PARN: variants seen among roughly 807,000 people sequenced by gnomAD.
PARN encodes the protein poly(A)-specific ribonuclease, also known as poly(A)-specific ribonuclease PARN.
Under a neutral mutation model 102.8 loss-of-function variants are expected in PARN, and 71 were observed. The ratio of observed to expected loss-of-function variants is 0.69; its 90% CI spans 0.57 to 0.84. The LOEUF is 0.84. Ranked by LOEUF, PARN falls within the 40% of genes least tolerant of loss-of-function variation. The pLI is 0.00. For missense variants in PARN, 782 were observed against 760.9 expected (o/e 1.03, Z -0.33); for synonymous variants, 261 against 252.9 (o/e 1.03, Z -0.30).
chr16:14,551,975 C>G, intron 21 of PARN, 46 bp downstream of exon 21: 1 of 1,305,162 alleles, frequency 7.7e-7, no homozygotes. Context: ...GGGAGGGCAA[C>G]CTCTCACTGT....
intron 21 of PARN, among the ~76,000 whole-genome samples, chr16:14,514,618 A>T (rs1389428679): frequency 2.0e-5 from 3 of 152,206 alleles, no homozygotes; most frequent in Non-Finnish European, 2.9e-5. Flanking sequence ...AATATGCCAT[A>T]CTTGTAATAT....
chr16:14,584,909 A>T, intron 14 of PARN, 118 bp from the exon 15 acceptor site: 1 of 609,072 alleles, frequency 1.6e-6, no homozygotes, highest in Non-Finnish European at 2.8e-6. Context: ...TAAAACATAA[A>T]ATGTTTAATA....
At chr16:14,472,228 G>A (rs1962788900) in intron 22 of PARN, among the ~76,000 whole-genome samples, 1 of 152,090 alleles carries the variant, frequency 6.6e-6, no homozygotes, top group African/African-American at 2.4e-5. Context: ...AATTTTCCTG[G>A]TTAATCATTC....
At chr16:14,603,241 T>A (rs1027773001) in intron 11 of PARN, among the ~76,000 whole-genome samples, 1 of 152,132 alleles carries the variant, frequency 6.6e-6, no homozygotes, top group Non-Finnish European at 1.5e-5. Context: ...AACTGGCACC[T>A]TTTGTTTCTG....
At chr16:14,446,513 GA>G (rs1205201199) in intron 23 of PARN, among the ~76,000 whole-genome samples, 1 of 152,146 alleles carries the variant, frequency 6.6e-6, no homozygotes, top group East Asian at 1.9e-4. Flanking sequence ...GGTTTTGCTG[GA>G]AACAGTGAAA....
intron 23 of PARN, 112 bp downstream of exon 23, chr16:14,446,776 A>G (rs1961217804): frequency 1.4e-6 from 1 of 696,122 alleles, no homozygotes; most frequent in East Asian, 2.7e-5. Context: ...GGAAGACTAC[A>G]TGGGCTTTGC....
At chr16:14,589,023 T>C (rs1256611526) in intron 13 of PARN, among the ~76,000 whole-genome samples, 1 of 151,296 alleles carries the variant, frequency 6.6e-6, no homozygotes, top group Non-Finnish European at 1.5e-5. Context: ...CTACTGAAAA[T>C]ATAAAAATTA....
chr16:14,610,079 G>A (rs114936257), intron 7 of PARN, among the ~76,000 whole-genome samples: 472 of 152,132 alleles, frequency 3.1e-3, no homozygotes, highest in African/African-American at 1.0e-2. Context: ...AAAAATCCAC[G>A]CAGGTCTGAC....
intron 22 of PARN, among the ~76,000 whole-genome samples, chr16:14,470,336 G>A (rs1962647225): frequency 6.6e-6 from 1 of 151,732 alleles, no homozygotes; most frequent in East Asian, 1.9e-4. Context: ...ACCTTTCTAT[G>A]TTTTCAAATT....
intron 21 of PARN, among the ~76,000 whole-genome samples, chr16:14,497,654 G>A (rs1267474264): frequency 1.3e-5 from 2 of 152,176 alleles, no homozygotes; most frequent in Non-Finnish European, 2.9e-5. Flanking sequence ...GCCTGACAGA[G>A]CAGCACATAT....
rs117245296 is a variant in PARN, at chr16:14,516,684, C to A, written c.1481-33857G>T. 8.7e-3 allele frequency among the ~76,000 whole-genome samples: 1,330 copies of A among 152,298 alleles called. 7 individuals are homozygous for A. Among genetic ancestry groups the A allele is most frequent in the Non-Finnish European group, 0.014 (943 of 68,020 alleles). ...CTTCTGACAAACTAACATTCAAGAA[C>A]TCAGGGAGCACTTTTCCCATGACTC... is the stretch of plus-strand genomic sequence containing the variant. On this transcript the variant is annotated intron_variant, in intron 21 of 23. Transcript: ENST00000437198.
At chr16:14,621,908 T>A (rs1054252106) in intron 5 of PARN, among the ~76,000 whole-genome samples, 26 of 151,790 alleles carry the variant, frequency 1.7e-4, no homozygotes, top group African/African-American at 5.1e-4. Context: ...ATTGAAGAGA[T>A]GAGGCTGGGA....
chr16:14,591,357 C>G (rs1049406222), intron 13 of PARN, among the ~76,000 whole-genome samples: 1 of 149,858 alleles, frequency 6.7e-6, no homozygotes, highest in East Asian at 2.0e-4. Flanking sequence ...CACCACTGCA[C>G]TCCAGCCTGG....
intron 21 of PARN, among the ~76,000 whole-genome samples, chr16:14,533,275 G>T (rs916227778): frequency 6.6e-6 from 1 of 152,130 alleles, no homozygotes. Flanking sequence ...GCGTGGCGGC[G>T]CGCGCCTGCA....
rs145826271 is a variant in PARN, at chr16:14,629,051, G to C, written c.97+546C>G. On this transcript the variant is annotated intron_variant, in intron 2 of 23. Coordinates refer to ENST00000437198, the MANE Select transcript of PARN (RefSeq NM_002582.4). The stretch of plus-strand genomic sequence containing the variant: ...AGCCGGTCACAAAAGGGCAAATATT[G>C]TAAGATTCCACTTATATGAGATGTT... Among the ~76,000 whole-genome samples the C allele has an allele frequency of 3.9e-5, 6 of 152,302 alleles. No individual in the cohort carries two copies. The East Asian group carries it at 1.2e-3, about 29-fold the overall frequency.
intron 18 of PARN, among the ~76,000 whole-genome samples, chr16:14,572,045 T>A (rs1042000173): frequency 6.6e-6 from 1 of 152,204 alleles, no homozygotes. Context: ...CATGTTTATG[T>A]TGGGAAGCTG....
intron 3 of PARN, 29 bp downstream of exon 3, chr16:14,628,140 AAAG>A (rs1410249533): frequency 4.8e-6 from 6 of 1,240,112 alleles, no homozygotes; most frequent in Admixed American, 1.8e-5. Flanking sequence ...CTAACATGAG[AAAG>A]AAAAAGATTT....
intron 21 of PARN, among the ~76,000 whole-genome samples, chr16:14,531,639 G>C (rs1380334803): frequency 6.6e-6 from 1 of 152,052 alleles, no homozygotes; most frequent in Non-Finnish European, 1.5e-5. Context: ...AAACTGTTTG[G>C]GTACGTCCGT....
chr16:14,586,455 C>A (rs1969861461), intron 13 of PARN, 94 bp from the exon 14 acceptor site: 6 of 740,390 alleles, frequency 8.1e-6, no homozygotes, highest in South Asian at 3.3e-5. Flanking sequence ...GCTGTCTTCT[C>A]AAACAAGCTG....
Sources: allele counts gnomAD v4.1 joint callset (sites outside exome capture counted in the v4.1 genomes callset), GRCh38; gene constraint gnomAD v4.1.1; transcripts MANE v1.5; gene names NCBI Gene and HGNC (gene_info 2026-07-23, HGNC 2026-07-21).